Variants in ADARB2 observed in about 807,000 individuals in gnomAD.
ADARB2 encodes the protein inactive double-stranded RNA-specific editase B2.
In ADARB2, 25 loss-of-function variants were observed where a neutral mutation model predicts 62.2. The observed-to-expected ratio is 0.40, with a 90% CI of 0.29 to 0.56. ADARB2 has a LOEUF of 0.56. ADARB2 is among the 20% of genes least tolerant of loss of function. The pLI is 0.43. For missense variants in ADARB2, 1,071 were observed against 1,077.4 expected, an observed-to-expected ratio of 0.99 and a Z score of 0.08; for synonymous variants, 572 against 500.8, an observed-to-expected ratio of 1.14 and a Z score of -1.90.
intron 3 of ADARB2, among the ~76,000 whole-genome samples, chr10:1,347,601 G>A (rs992578001): frequency 4.6e-5 from 7 of 152,184 alleles, no homozygotes; most frequent in African/African-American, 2.4e-5. Flanking sequence ...CAGATCAGGA[G>A]CCAGGAGGCC....
At position 1,737,375 on chromosome 10, in the gene ADARB2, G is replaced by C; in HGVS notation, c.-225C>G. The C allele has an allele frequency of 1.9e-6, 1 of 534,608 alleles. No individual in the cohort carries two copies. Among genetic ancestry groups the C allele is most frequent in the Non-Finnish European group, 3.3e-6 (1 of 299,330 alleles). 33.1% of individuals were successfully genotyped at this position (534,608 alleles called of 1,614,324 possible). A position where few individuals can be genotyped will look rare whatever the true frequency, so the allele number is the denominator to read the frequency against. On this transcript the variant is annotated 5_prime_UTR_variant, in exon 1 of 10. Coordinates refer to ENST00000381312, the MANE Select transcript of ADARB2 (RefSeq NM_018702.4). ...TGGGGGCCTCGGCTGGGCGCCTGGA[G>C]CGAGCTGCTCCCTGGTCAGGGAGGG...
intron 1 of ADARB2, among the ~76,000 whole-genome samples, chr10:1,396,795 G>C (rs74793799): frequency 0.73 from 5,867 of 8,006 alleles, 2,141 homozygotes; most frequent in Non-Finnish European, 0.76. Flanking sequence ...CTCCCGAGTG[G>C]AGGCTTCCTG....
At chr10:1,567,090 G>A (rs1017295781) in intron 1 of ADARB2, among the ~76,000 whole-genome samples, 4 of 152,148 alleles carry the variant, frequency 2.6e-5, no homozygotes, top group African/African-American at 7.2e-5. Flanking sequence ...AGCGAAGGAC[G>A]AACAGTAGGA....
intron 1 of ADARB2, among the ~76,000 whole-genome samples, chr10:1,500,931 G>A (rs191032401): frequency 3.3e-5 from 5 of 152,270 alleles, no homozygotes; most frequent in African/African-American, 1.2e-4. Flanking sequence ...CTGGAGTGCA[G>A]AAGCCCAATC....
rs544358325 is a variant in ADARB2 at position 1,450,227 on chromosome 10, C to T, written c.101-71067G>A. Among the ~76,000 whole-genome samples the T allele has an allele frequency of 5.9e-5, 9 of 152,348 alleles. No individual in the cohort carries two copies. The East Asian group carries it at 1.7e-3, about 29-fold the overall frequency. ...AGTTACAAGCCTGCTTCTTTTCCTG[C>T]CCTCTGAAAATGAGGACAACTCATC... is the stretch of plus-strand genomic sequence containing the variant. On this transcript the variant is annotated intron_variant, in intron 1 of 9. Coordinates refer to ENST00000381312, the MANE Select transcript of ADARB2 (RefSeq NM_018702.4).
chr10:1,641,840 C>G (rs1039978753), intron 1 of ADARB2, among the ~76,000 whole-genome samples: 6 of 152,130 alleles, frequency 3.9e-5, no homozygotes, highest in African/African-American at 1.4e-4. Context: ...CGATGAAACC[C>G]TGTCTCTACT....
At chr10:1,484,458 C>T (rs1042239344) in intron 1 of ADARB2, among the ~76,000 whole-genome samples, 3 of 152,230 alleles carry the variant, frequency 2.0e-5, no homozygotes, top group Non-Finnish European at 4.4e-5. Flanking sequence ...TCCACGCTGT[C>T]GTCCCTTCCT....
chr10:1,543,490 A>C (rs1158807970), intron 1 of ADARB2, among the ~76,000 whole-genome samples: 2 of 152,220 alleles, frequency 1.3e-5, no homozygotes, highest in African/African-American at 4.8e-5. Flanking sequence ...TCTCCAGCTT[A>C]ATTGAAGGAC....
intron 1 of ADARB2, among the ~76,000 whole-genome samples, chr10:1,560,142 C>T (rs1047305766): frequency 2.6e-5 from 4 of 152,288 alleles, no homozygotes; most frequent in African/African-American, 9.6e-5. Flanking sequence ...ATGCATTTCT[C>T]TAAAAATTCC....
At chr10:1,225,071 A>C (rs11250344) in intron 6 of ADARB2, among the ~76,000 whole-genome samples, 45,081 of 151,062 alleles carry the variant, frequency 0.3, 7,863 homozygotes, top group African/African-American at 0.47. Flanking sequence ...GTAGGTCTCT[A>C]AGGACTTGCT....
Position 1,392,019 on chromosome 10 carries a change from C to T in ADARB2, c.101-12859G>A, listed in dbSNP as rs180888227. The stretch of plus-strand genomic sequence containing the variant: ...GAGCTCAAGCAATCTGCCTGCCTCA[C>T]CCTCCCAAAGTGCTGGGATTACAGG... On this transcript the variant is annotated intron_variant, in intron 1 of 9. Transcript: ENST00000381312. Among the ~76,000 whole-genome samples, 46 of 152,090 alleles carry T rather than the reference C, an allele frequency of 3.0e-4. 1 individual carries two copies. Among genetic ancestry groups the T allele is most frequent in the African/African-American group, 9.9e-4 (41 of 41,490 alleles).
At chr10:1,448,580 A>G (rs1033113282) in intron 1 of ADARB2, among the ~76,000 whole-genome samples, 4 of 152,152 alleles carry the variant, frequency 2.6e-5, no homozygotes, top group African/African-American at 9.7e-5. Flanking sequence ...TTCACAGATC[A>G]TTTGCATGGT....
intron 1 of ADARB2, among the ~76,000 whole-genome samples, chr10:1,481,271 G>A (rs957225165): frequency 6.6e-6 from 1 of 152,164 alleles, no homozygotes; most frequent in South Asian, 2.1e-4. Flanking sequence ...ATGTAAAAAA[G>A]AGTGAAGTAA....
At chr10:1,690,795 C>T (rs1564368711) in intron 1 of ADARB2, among the ~76,000 whole-genome samples, 1 of 152,238 alleles carries the variant, frequency 6.6e-6, no homozygotes, top group African/African-American at 2.4e-5. Flanking sequence ...CCCCAGCCTG[C>T]ATGCACACTG....
In ADARB2 at chr10:1,606,393, A is replaced by C. The variant is rs912937102; in HGVS notation, c.100+130658T>G. Among the ~76,000 whole-genome samples the C allele has an allele frequency of 2.0e-5, 3 of 152,200 alleles. No homozygotes were observed. The East Asian group carries it at 5.8e-4, about 29-fold the overall frequency. ...ACACACCTGGTGAGGAGTGTGAAAG[A>C]ATGCTCTCTACGCAAGCAGGTGAGA... is the stretch of plus-strand genomic sequence containing the variant. On this transcript the variant is annotated intron_variant, in intron 1 of 9. Transcript: ENST00000381312.
chr10:1,505,469 C>T (rs11250571), intron 1 of ADARB2, among the ~76,000 whole-genome samples: 3,128 of 151,352 alleles, frequency 0.021, 111 homozygotes, highest in African/African-American at 0.071. Context: ...CTTAGGGAGG[C>T]GAAATGATTT....
At chr10:1,470,069 T>G (rs556141816) in intron 1 of ADARB2, among the ~76,000 whole-genome samples, 2 of 152,126 alleles carry the variant, frequency 1.3e-5, no homozygotes. Flanking sequence ...TGGAGCGACC[T>G]TCCAAGGTCA....
At chr10:1,522,882 C>A (rs927758547) in intron 1 of ADARB2, among the ~76,000 whole-genome samples, 1 of 152,176 alleles carries the variant, frequency 6.6e-6, no homozygotes, top group African/African-American at 2.4e-5. Context: ...CCTAACCAGA[C>A]ACCTTGTTTG....
intron 1 of ADARB2, among the ~76,000 whole-genome samples, chr10:1,717,156 C>CTTTTTTTTTTTTTTT (rs397969884): frequency 1.6e-5 from 1 of 63,272 alleles, no homozygotes; most frequent in Non-Finnish European, 2.9e-5. Context: ...TTGTAGTGTG[C>CTTTTTTTTTTTTTTT]TTTTTTTTTT....
Sources: gnomAD v4.1 joint callset for allele counts (sites outside exome capture counted in the v4.1 genomes callset) on GRCh38, gnomAD v4.1.1 for gene constraint, MANE v1.5 for transcripts, NCBI Gene and HGNC (gene_info 2026-07-23, HGNC 2026-07-21) for gene names.